The following SPATA31H1 variants were observed in gnomAD, a reference collection of about 807,000 sequenced individuals.
The protein encoded by SPATA31H1 is spermatogenesis-associated protein 31H1.
At chr2:27,577,240 T>C in the SPATA31H1 span, 1 of 1,614,006 alleles carries the variant, frequency 6.2e-7, no homozygotes. This position sits in a 1 kb window ranked among gnomAD's most constrained non-coding sequence, Gnocchi z 4.5. Context: ...TTCTTAGGAT[T>C]AACTCCAGAG....
the SPATA31H1 span, among the ~76,000 whole-genome samples, chr2:27,558,736 C>CA: frequency 3.0e-4 from 21 of 69,816 alleles, no homozygotes; most frequent in South Asian, 2.8e-3. Flanking sequence ...CCGTCTCCAC[C>CA]AAAAAAAACC....
the SPATA31H1 span, among the ~76,000 whole-genome samples, chr2:27,553,571 C>G: frequency 6.6e-6 from 1 of 152,054 alleles, no homozygotes. Context: ...GTCAATTCTT[C>G]TCTCATTTTA....
the SPATA31H1 span, chr2:27,577,769 C>T: frequency 1.9e-6 from 3 of 1,614,084 alleles, no homozygotes; most frequent in Non-Finnish European, 2.5e-6. This position sits in a 1 kb window ranked among gnomAD's most constrained non-coding sequence, Gnocchi z 4.5. Context: ...GACATCAAGT[C>T]CCAGAATCTG....
At chr2:27,547,611 T>C in the SPATA31H1 span, among the ~76,000 whole-genome samples, 2 of 152,090 alleles carry the variant, frequency 1.3e-5, no homozygotes, top group African/African-American at 2.4e-5. Context: ...TATAGTTTAA[T>C]TGGAGATAAC....
At chr2:27,569,069 C>A in the SPATA31H1 span, 18 of 398,914 alleles carry the variant, frequency 4.5e-5, no homozygotes, top group Middle Eastern at 6.3e-4. Flanking sequence ...GGCCACTGAG[C>A]CAAACTTCAG....
At chr2:27,582,624 C>T in the SPATA31H1 span, 2 of 1,268,968 alleles carry the variant, frequency 1.6e-6, no homozygotes, top group Non-Finnish European at 2.2e-6. Context: ...AATTCCTGCG[C>T]CCCCAGCGTG....
the SPATA31H1 span, chr2:27,572,013 A>G: frequency 2.5e-6 from 1 of 398,458 alleles, no homozygotes; most frequent in Non-Finnish European, 4.4e-6. Flanking sequence ...GCAAGTAAAG[A>G]AAGGGTCTGA....
the SPATA31H1 span, chr2:27,566,189 G>A: frequency 1.4e-6 from 1 of 711,848 alleles, no homozygotes. Context: ...TTCCTTCACT[G>A]TGATAGCTTT....
At chr2:27,540,268 G>A in the SPATA31H1 span, among the ~76,000 whole-genome samples, 406 of 130,250 alleles carry the variant, frequency 3.1e-3, no homozygotes, top group African/African-American at 0.011. Flanking sequence ...CGGGCGGGGG[G>A]CTGACCCCCA....
the SPATA31H1 span, chr2:27,568,207 T>C: frequency 5.0e-6 from 2 of 398,966 alleles, no homozygotes; most frequent in South Asian, 1.3e-4. Context: ...TATCAAGTCA[T>C]AGAGTCAGTG....
the SPATA31H1 span, among the ~76,000 whole-genome samples, chr2:27,546,586 G>GCA: frequency 6.6e-6 from 1 of 152,116 alleles, no homozygotes; most frequent in African/African-American, 2.4e-5. Flanking sequence ...AGGCTGAAGT[G>GCA]CAGTGGTGTG....
the SPATA31H1 span, among the ~76,000 whole-genome samples, chr2:27,559,978 C>A: frequency 6.6e-6 from 1 of 152,072 alleles, no homozygotes. Context: ...AGCAATTCTC[C>A]TGCCTCAGCC....
chr2:27,542,125 G>A, the SPATA31H1 span, among the ~76,000 whole-genome samples: 11 of 151,980 alleles, frequency 7.2e-5, no homozygotes, highest in Admixed American at 5.2e-4. Context: ...GGCTGGGCGC[G>A]GTGGCTCATG....
At chr2:27,571,915 G>A in the SPATA31H1 span, 1 of 398,296 alleles carries the variant, frequency 2.5e-6, no homozygotes, top group African/African-American at 2.1e-5. Context: ...CAGTTTCAAG[G>A]GATGGCACCT....
chr2:27,576,797 A>G, the SPATA31H1 span: 4 of 1,613,990 alleles, frequency 2.5e-6, no homozygotes, highest in Non-Finnish European at 3.4e-6. Context: ...AAAGCGTAAA[A>G]CATGTGAAAT....
chr2:27,578,413 T>C, the SPATA31H1 span: 4 of 1,614,128 alleles, frequency 2.5e-6, no homozygotes, highest in Non-Finnish European at 3.4e-6. Context: ...ATTCCTCAGG[T>C]TGTAGAACCA....
At chr2:27,552,723 G>A in the SPATA31H1 span, among the ~76,000 whole-genome samples, 1 of 151,964 alleles carries the variant, frequency 6.6e-6, no homozygotes, top group African/African-American at 2.4e-5. Flanking sequence ...ATGAACAAGG[G>A]ATGTCTTTCC....
chr2:27,581,988 C>T, the SPATA31H1 span: 44 of 1,613,688 alleles, frequency 2.7e-5, 1 homozygote, highest in Non-Finnish European at 3.5e-5. Flanking sequence ...TGAGAGAAGA[C>T]GTCACAGTCC....
the SPATA31H1 span, chr2:27,577,330 T>C: frequency 6.2e-7 from 1 of 1,614,068 alleles, no homozygotes; most frequent in Non-Finnish European, 8.5e-7. The surrounding 1 kb of genome is among the most constrained non-coding windows in gnomAD (Gnocchi z 4.5). Flanking sequence ...GAGTTATATA[T>C]GAAGCCACTG....
Sources: allele counts gnomAD v4.1 joint callset (sites outside exome capture counted in the v4.1 genomes callset), GRCh38; gene constraint gnomAD v4.1.1; non-coding constraint Gnocchi (gnomAD v3.1); transcripts MANE v1.5; gene names NCBI Gene and HGNC (gene_info 2026-07-23, HGNC 2026-07-21).